Variants in DOCK2 observed in about 807,000 individuals in gnomAD.
DOCK2 encodes dedicator of cytokinesis protein 2.
A neutral mutation model predicts 248.9 loss-of-function variants in DOCK2; 87 were observed. That is an observed-to-expected ratio of 0.35 (90% CI 0.29 to 0.42). DOCK2 has a LOEUF of 0.42. DOCK2 is among the 10% of genes least tolerant of loss of function. The pLI is 1.00. For missense variants in DOCK2, 1,747 were observed against 2,300.2 expected (o/e 0.76, Z 4.92); for synonymous variants, 805 against 821.6 (o/e 0.98, Z 0.35).
rs1764626799 is a variant in DOCK2 at position 169,763,927 on chromosome 5, A to G, written c.2554+2302A>G. Among the ~76,000 whole-genome samples the G allele has an allele frequency of 6.6e-6, 1 of 152,222 alleles. No homozygotes were observed. Among genetic ancestry groups the G allele is most frequent in the South Asian group, 2.1e-4 (1 of 4,838 alleles). Reference sequence around the variant, plus strand: ...CTCCTCTCCCACCATCTATTTGCTAAGTGAGCCCTGTTACCAAAATAGTCC... The same window carrying G: ...CTCCTCTCCCACCATCTATTTGCTAGGTGAGCCCTGTTACCAAAATAGTCC... On this transcript the variant is annotated intron_variant, in intron 25 of 51. Coordinates refer to ENST00000520908, the MANE Select transcript of DOCK2 (RefSeq NM_004946.3). This position sits in a 1 kb window ranked among gnomAD's most constrained non-coding sequence, Gnocchi z 4.1.
At chr5:169,675,486 CACA>C (rs555272131) in intron 6 of DOCK2, among the ~76,000 whole-genome samples, 205 of 152,260 alleles carry the variant, frequency 1.3e-3, no homozygotes, top group African/African-American at 4.7e-3. Flanking sequence ...AGGAGTAAGC[CACA>C]AGTAAACTGC....
chr5:170,079,272 G>A, intron 49 of DOCK2, 126 bp downstream of exon 49: 1 of 1,310,080 alleles, frequency 7.6e-7, no homozygotes, highest in Non-Finnish European at 1.0e-6. Flanking sequence ...TATGGGTATT[G>A]CAGAGGCGGC....
At chr5:170,047,398 A>G in intron 39 of DOCK2, 112 bp from the exon 40 acceptor site, 1 of 803,228 alleles carries the variant, frequency 1.2e-6, no homozygotes, top group Non-Finnish European at 2.0e-6. Flanking sequence ...AAATATGTGC[A>G]CATGGCTCAT....
At chr5:169,754,920 A>ATTATTTAT (rs144364050) in intron 23 of DOCK2, among the ~76,000 whole-genome samples, 7,064 of 141,264 alleles carry the variant, frequency 0.05, 248 homozygotes, top group African/African-American at 0.08. Flanking sequence ...CCTATTTTTT[A>ATTATTTAT]TTATTTATTT....
intron 27 of DOCK2, among the ~76,000 whole-genome samples, chr5:169,913,239 T>C (rs894346184): frequency 3.3e-5 from 5 of 152,260 alleles, no homozygotes; most frequent in Admixed American, 6.5e-5. Context: ...TGATGGAAAC[T>C]ATTCGGCTCT....
chr5:169,670,191 T>G (rs1328746532), intron 3 of DOCK2, among the ~76,000 whole-genome samples: 1 of 152,168 alleles, frequency 6.6e-6, no homozygotes, highest in East Asian at 1.9e-4. Context: ...TCGCTTAAAG[T>G]CAGTGAGTGG....
At chr5:169,727,916 T>G (rs1762571148) in intron 22 of DOCK2, among the ~76,000 whole-genome samples, 1 of 152,190 alleles carries the variant, frequency 6.6e-6, no homozygotes, top group Non-Finnish European at 1.5e-5. Context: ...GAAGAAAGGT[T>G]AGTTCGTGGA....
At chr5:169,767,561 A>G (rs1336887044) in intron 25 of DOCK2, among the ~76,000 whole-genome samples, 3 of 152,200 alleles carry the variant, frequency 2.0e-5, no homozygotes, top group Non-Finnish European at 4.4e-5. Flanking sequence ...GCTTGATTGC[A>G]TGCTAGCTGT....
chr5:169,722,648 T>C (rs563102165), intron 22 of DOCK2, among the ~76,000 whole-genome samples: 6 of 152,324 alleles, frequency 3.9e-5, no homozygotes, highest in Non-Finnish European at 7.4e-5. Context: ...GTTTCAATGA[T>C]GAAATGAGAT....
intron 25 of DOCK2, among the ~76,000 whole-genome samples, chr5:169,786,154 C>A (rs913110409): frequency 6.6e-6 from 1 of 152,160 alleles, no homozygotes; most frequent in African/African-American, 2.4e-5. Context: ...AAAGTTAATT[C>A]AGACCTACTG....
At chr5:169,854,226 C>G (rs559312348) in intron 27 of DOCK2, among the ~76,000 whole-genome samples, 7 of 150,890 alleles carry the variant, frequency 4.6e-5, no homozygotes, top group Admixed American at 2.0e-4. Flanking sequence ...CACTGTGTTG[C>G]CCAGGCTGGA....
chr5:169,825,225 A>T (rs1487862681), intron 26 of DOCK2, among the ~76,000 whole-genome samples: 3 of 152,208 alleles, frequency 2.0e-5, no homozygotes, highest in South Asian at 2.1e-4. Flanking sequence ...TTCCTCAGGG[A>T]TCTAGAACTA....
intron 22 of DOCK2, among the ~76,000 whole-genome samples, chr5:169,733,575 A>G (rs1401621144): frequency 6.6e-6 from 1 of 152,032 alleles, no homozygotes; most frequent in Non-Finnish European, 1.5e-5. Context: ...TATCTTAGAC[A>G]TTTCATATTT....
rs1026479509 is a variant in DOCK2 at position 170,025,516 on chromosome 5, C to T, written c.3382-2347C>T. ...GCTTTCCCAAGATGGCAGAGGGAAG[C>T]GGTGAGGGATTTAAAGCCAGACAGC... On this transcript the variant is annotated intron_variant, in intron 33 of 51. Transcript: ENST00000520908. Among the ~76,000 whole-genome samples, 6 of 152,122 alleles carry T rather than the reference C, an allele frequency of 3.9e-5. No individual in the cohort carries two copies. In the East Asian group the frequency reaches 5.8e-4, roughly 15 times the overall value.
chr5:169,707,857 T>C (rs1446621598), intron 14 of DOCK2, among the ~76,000 whole-genome samples: 2 of 152,234 alleles, frequency 1.3e-5, no homozygotes, highest in Non-Finnish European at 2.9e-5. Flanking sequence ...AGACTGGCAG[T>C]GTGCAGTAAC....
intron 27 of DOCK2, among the ~76,000 whole-genome samples, chr5:169,866,324 A>G (rs1426156720): frequency 6.6e-6 from 1 of 152,186 alleles, no homozygotes; most frequent in Non-Finnish European, 1.5e-5. Context: ...TGGATGAAAC[A>G]TAGGCTGTGG....
chr5:169,733,741 A>G (rs1315975058), intron 22 of DOCK2, among the ~76,000 whole-genome samples: 1 of 152,052 alleles, frequency 6.6e-6, no homozygotes, highest in Non-Finnish European at 1.5e-5. Context: ...ACTGTCATCT[A>G]CTGTTAATGT....
chr5:169,878,234 G>A (rs981688295), intron 27 of DOCK2, among the ~76,000 whole-genome samples: 2 of 152,224 alleles, frequency 1.3e-5, no homozygotes, highest in Admixed American at 6.5e-5. Context: ...CGATTCCTTA[G>A]GGCACCATTT....
rs919761374 is a variant in DOCK2, at chr5:169,698,496, G to T, written c.1055+47G>T. On this transcript the variant is annotated intron_variant, in intron 11 of 51. Transcript: ENST00000520908. ...TCCATTCTCTTCAACCACACCCTTTGTCATCAAGGGCTGCTGGAGCTCAGA... is the reference window on the plus strand; with the variant it reads ...TCCATTCTCTTCAACCACACCCTTTTTCATCAAGGGCTGCTGGAGCTCAGA... 2.5e-6 allele frequency: 4 copies of T among 1,595,170 alleles called. No individual in the cohort carries two copies. The African/African-American group carries it at 5.4e-5, about 21-fold the overall frequency.
Sources: gnomAD v4.1 joint callset for allele counts (sites outside exome capture counted in the v4.1 genomes callset) on GRCh38, gnomAD v4.1.1 for gene constraint, Gnocchi (gnomAD v3.1) non-coding constraint, MANE v1.5 for transcripts, NCBI Gene and HGNC (gene_info 2026-07-23, HGNC 2026-07-21) for gene names.